The following ABCD3 variants were observed in gnomAD, a reference collection of about 807,000 sequenced individuals.
ABCD3 encodes the protein ATP binding cassette subfamily D member 3, also known as ATP-binding cassette sub-family D member 3.
Under a neutral mutation model 105.5 loss-of-function variants are expected in ABCD3, and 41 were observed. The ratio of observed to expected loss-of-function variants is 0.39; its 90% CI spans 0.30 to 0.50. The LOEUF is 0.50. Among genes scored for constraint, ABCD3 ranks in the 20% least tolerant of loss-of-function variants. The pLI is 0.84. For synonymous variants in ABCD3, 258 were observed against 269.0 expected (o/e 0.96, Z 0.40); for missense variants, 622 against 806.3 (o/e 0.77, Z 2.77).
chr1:94,489,975 A>G lies in ABCD3; in HGVS notation c.1322A>G (p.Lys441Arg). 6.2e-7 allele frequency: 1 copy of G among 1,612,546 alleles called. No homozygotes were observed. The highest frequency in any genetic ancestry group is 8.5e-7 in the Non-Finnish European group (1 of 1,178,762). Residue 441 changes from lysine to arginine, a missense_variant and splice_region_variant, in exon 15 of 23, where the codon AAG becomes AGG. Lys to Arg is a conservative substitution (Grantham distance 26, BLOSUM62 2). Coordinates refer to ENST00000370214, the MANE Select transcript of ABCD3 (RefSeq NM_002858.4). Reference sequence around the variant, plus strand: ...ATCATTATTGCAGATAACATTATAAAGTACGTACAGAAAAAGGTCTTTTAG... The same window carrying G: ...ATCATTATTGCAGATAACATTATAAGGTACGTACAGAAAAAGGTCTTTTAG... ...GEIIIADNII[K>R]FDHVPLATPN... is the part of the protein sequence containing the mutation.
intron 13 of ABCD3, among the ~76,000 whole-genome samples, chr1:94,488,465 T>C (rs1649374569): frequency 6.6e-6 from 1 of 152,128 alleles, no homozygotes; most frequent in African/African-American, 2.4e-5. Context: ...TATCTAGTAG[T>C]AAAATTATCT....
chr1:94,413,910 G>T (rs1658957457), upstream of ABCD3, among the ~76,000 whole-genome samples: 1 of 152,152 alleles, frequency 6.6e-6, no homozygotes, highest in African/African-American at 2.4e-5. Context: ...GGTTAGGGGG[G>T]ACTGGTCACA....
chr1:94,515,268 A>G (rs1650866916), intron 22 of ABCD3, 66 bp downstream of exon 22: 2 of 1,318,938 alleles, frequency 1.5e-6, no homozygotes, highest in Admixed American at 1.7e-5. Context: ...AATTCAGGTT[A>G]ATATGGTTTT....
At chr1:94,513,834 A>G (rs915355768) in intron 21 of ABCD3, 1 of 152,050 alleles carries the variant, frequency 6.6e-6, no homozygotes, top group Non-Finnish European at 1.5e-5. Flanking sequence ...GCTCTGAAAA[A>G]TCAGAAAAGT....
At position 94,458,656 on chromosome 1, in the gene ABCD3, A is replaced by G. The variant is rs1327155064; in HGVS notation, c.147+13A>G. ...ACAGAACAATGAGGTAAAAGTTTAA[A>G]TCATCTTCTTTTTGGGATTTCATGC... On this transcript the variant is annotated intron_variant, in intron 2 of 22. Transcript: ENST00000370214. 6.2e-7 allele frequency: 1 copy of G among 1,607,882 alleles called. No individual in the cohort carries two copies. The highest frequency in any genetic ancestry group is 8.5e-7 in the Non-Finnish European group (1 of 1,175,348).
Position 94,418,619 on chromosome 1 carries a change from C to T in ABCD3, c.110+31C>T, listed in dbSNP as rs1422179692. ...AAGGCCCGTAGCCGTGCAGCTTTCCCGGGCTGGAGCGGGCGCTCCCCGCGC... is the reference window on the plus strand; with the variant it reads ...AAGGCCCGTAGCCGTGCAGCTTTCCTGGGCTGGAGCGGGCGCTCCCCGCGC... On this transcript the variant is annotated intron_variant, in intron 1 of 22. Coordinates refer to ENST00000370214, the MANE Select transcript of ABCD3 (RefSeq NM_002858.4). 2.6e-6 allele frequency: 4 copies of T among 1,554,340 alleles called. No homozygotes were observed. The African/African-American group carries it at 5.4e-5, about 21-fold the overall frequency.
chr1:94,402,800 T>C, the ABCD3 span, among the ~76,000 whole-genome samples: 1 of 152,064 alleles, frequency 6.6e-6, no homozygotes, highest in South Asian at 2.1e-4. Context: ...CTTCCTCTCT[T>C]TTTTTTTCTT....
the ABCD3 span, among the ~76,000 whole-genome samples, chr1:94,397,349 TC>T: frequency 6.6e-6 from 1 of 152,170 alleles, no homozygotes; most frequent in Non-Finnish European, 1.5e-5. Context: ...TCAAGTGGGA[TC>T]CCACATTGCA....
chr1:94,466,257 C>T (rs1252599482), intron 3 of ABCD3, among the ~76,000 whole-genome samples: 1 of 152,054 alleles, frequency 6.6e-6, no homozygotes, highest in Non-Finnish European at 1.5e-5. Context: ...TTAAGATCTG[C>T]TCCTTCCCTT....
intron 16 of ABCD3, among the ~76,000 whole-genome samples, chr1:94,496,887 C>A (rs963894523): frequency 2.0e-5 from 3 of 151,458 alleles, no homozygotes; most frequent in African/African-American, 7.3e-5. Context: ...CATGCCTCAG[C>A]CTCCTGAGTA....
intron 16 of ABCD3, among the ~76,000 whole-genome samples, chr1:94,491,742 T>C (rs1649545382): frequency 6.6e-6 from 1 of 152,092 alleles, no homozygotes; most frequent in Non-Finnish European, 1.5e-5. Context: ...TGAAAACTGA[T>C]GTTGATTCAA....
chr1:94,424,951 A>T lies in ABCD3; in HGVS notation c.110+6363A>T, dbSNP rs571033724. Among the ~76,000 whole-genome samples, 6 of 152,304 alleles carry T rather than the reference A, an allele frequency of 3.9e-5. No individual in the cohort carries two copies. The East Asian group carries it at 1.2e-3, about 29-fold the overall frequency. Reference sequence around the variant, plus strand: ...TGGCTGGAATATATAGTAGACACTCATATTTGTTTGACTCTACAACAACAA... The same window carrying T: ...TGGCTGGAATATATAGTAGACACTCTTATTTGTTTGACTCTACAACAACAA... On this transcript the variant is annotated intron_variant, in intron 1 of 22. Transcript: ENST00000370214.
chr1:94,387,756 C>T, the ABCD3 span, among the ~76,000 whole-genome samples: 9 of 152,136 alleles, frequency 5.9e-5, no homozygotes, highest in Non-Finnish European at 8.8e-5. Flanking sequence ...GCTCTGAGTG[C>T]GACAAGGGTC....
chr1:94,513,106 A>G (rs774859740), intron 21 of ABCD3, among the ~76,000 whole-genome samples: 4 of 152,098 alleles, frequency 2.6e-5, no homozygotes, highest in Admixed American at 1.3e-4. Context: ...AGAATTTGCT[A>G]TTCTTTGTAG....
In ABCD3 at chr1:94,458,625, A is replaced by C; in HGVS notation, c.129A>C (p.Pro43=). ...TCTGCAGTAAGAAAAGTGGAAAACC[A>C]CCATTACAGAACAATGAGGTAAAAG... is the stretch of plus-strand genomic sequence containing the variant. ...LGLHGKKSGK[P]PLQNNEKEGK... is the part of the protein sequence containing the mutation. Residue 43 remains proline, a synonymous_variant, in exon 2 of 23, where the codon CCA becomes CCC. Coordinates refer to ENST00000370214, the MANE Select transcript of ABCD3 (RefSeq NM_002858.4). 6.2e-7 allele frequency: 1 copy of C among 1,612,888 alleles called. No individual in the cohort carries two copies. The highest frequency in any genetic ancestry group is 8.5e-7 in the Non-Finnish European group (1 of 1,179,140).
intron 1 of ABCD3, among the ~76,000 whole-genome samples, chr1:94,429,733 G>A (rs1195102725): frequency 6.6e-6 from 1 of 152,240 alleles, no homozygotes; most frequent in Non-Finnish European, 1.5e-5. Context: ...ATGCCTGGAT[G>A]CCCATGCAGA....
chr1:94,469,002 T>G (rs367756894), intron 4 of ABCD3, among the ~76,000 whole-genome samples: 3 of 152,326 alleles, frequency 2.0e-5, no homozygotes, highest in South Asian at 2.1e-4. Flanking sequence ...CCTTTTAATT[T>G]TAATCAAAGT....
At chr1:94,418,657 C>A (rs1300349846) in intron 1 of ABCD3, 69 bp downstream of exon 1, 12 of 1,484,298 alleles carry the variant, frequency 8.1e-6, no homozygotes, top group African/African-American at 4.2e-5. Context: ...TCTCTCTCCC[C>A]ACCCGGCCGA....
the ABCD3 span, among the ~76,000 whole-genome samples, chr1:94,388,513 T>C: frequency 6.6e-6 from 1 of 152,212 alleles, no homozygotes; most frequent in South Asian, 2.1e-4. Flanking sequence ...AAAGGAAGGC[T>C]ATTTTTCCTA....
Sources: gnomAD v4.1 joint callset for allele counts (sites outside exome capture counted in the v4.1 genomes callset) on GRCh38, gnomAD v4.1.1 for gene constraint, MANE v1.5 for transcripts, NCBI Gene and HGNC (gene_info 2026-07-23, HGNC 2026-07-21) for gene names.